The following NHERF2 variants were observed in gnomAD, a reference collection of about 807,000 sequenced individuals.
NHERF2 encodes the protein Na(+)/H(+) exchange regulatory cofactor NHE-RF2.
the NHERF2 span, chr16:2,036,884 G>T: frequency 1.9e-4 from 304 of 1,606,670 alleles, 1 homozygote; most frequent in Middle Eastern, 9.9e-4. Context: ...CGTGGAAGGT[G>T]GGCCACGGCC....
chr16:2,038,286 G>A, the NHERF2 span: 29 of 538,000 alleles, frequency 5.4e-5, no homozygotes, highest in East Asian at 6.8e-4. Context: ...CGGCAGCCGC[G>A]GGGCGAGGGC....
At chr16:2,028,081 C>T in the NHERF2 span, among the ~76,000 whole-genome samples, 1 of 152,182 alleles carries the variant, frequency 6.6e-6, no homozygotes, top group Non-Finnish European at 1.5e-5. Flanking sequence ...CCCTCCAGAC[C>T]CTGGTTGGGG....
the NHERF2 span, among the ~76,000 whole-genome samples, chr16:2,033,803 G>A: frequency 1.3e-5 from 2 of 152,144 alleles, no homozygotes; most frequent in African/African-American, 2.4e-5. Context: ...CGAGCTCCTC[G>A]GCTCTCTGGG....
chr16:2,037,776 T>C, the NHERF2 span: 1 of 1,552,534 alleles, frequency 6.4e-7, no homozygotes, highest in Non-Finnish European at 8.7e-7. Flanking sequence ...CCGTCTGGGG[T>C]GTGGGACTAG....
chr16:2,036,519 G>A, the NHERF2 span: 6 of 1,569,844 alleles, frequency 3.8e-6, no homozygotes, highest in African/African-American at 1.4e-5. Flanking sequence ...GGCCCACCAG[G>A]GCTGCGGGGT....
chr16:2,036,041 G>A, the NHERF2 span: 4 of 452,070 alleles, frequency 8.8e-6, no homozygotes, highest in East Asian at 1.5e-4. Flanking sequence ...CACCCTGCCT[G>A]TGCGCCACGC....
the NHERF2 span, chr16:2,027,337 G>A: frequency 7.7e-6 from 4 of 519,376 alleles, no homozygotes; most frequent in Non-Finnish European, 1.2e-5. Context: ...GGACGTTGTC[G>A]GGAGGCAGCG....
At chr16:2,035,611 AC>A in the NHERF2 span, 5 of 985,800 alleles carry the variant, frequency 5.1e-6, no homozygotes, top group Non-Finnish European at 4.8e-6. Context: ...ACCCTGGCCC[AC>A]CCCCTGGCTG....
the NHERF2 span, chr16:2,038,516 G>A: frequency 2.7e-6 from 1 of 369,576 alleles, no homozygotes; most frequent in Non-Finnish European, 5.1e-6. Context: ...CTCAGCAGCG[G>A]CCGTCCTGAG....
the NHERF2 span, among the ~76,000 whole-genome samples, chr16:2,027,732 G>T: frequency 1.3e-5 from 2 of 152,214 alleles, no homozygotes; most frequent in Non-Finnish European, 2.9e-5. Flanking sequence ...AGGTCTGCAC[G>T]TGTGCCTGTG....
chr16:2,034,753 C>T, the NHERF2 span, among the ~76,000 whole-genome samples: 43 of 142,322 alleles, frequency 3.0e-4, no homozygotes, highest in Non-Finnish European at 4.9e-4. Context: ...GCCTTCCCTC[C>T]GTCCCAGGCC....
chr16:2,036,743 G>A, the NHERF2 span: 1 of 1,612,810 alleles, frequency 6.2e-7, no homozygotes, highest in Non-Finnish European at 8.5e-7. Context: ...CGGGCAGAAT[G>A]TGGAGGGACT....
At chr16:2,030,552 A>G in the NHERF2 span, among the ~76,000 whole-genome samples, 1 of 151,276 alleles carries the variant, frequency 6.6e-6, no homozygotes, top group African/African-American at 2.4e-5. Flanking sequence ...CAGGAGGAAC[A>G]GCCTGAAGCT....
the NHERF2 span, chr16:2,036,261 G>A: frequency 2.0e-6 from 3 of 1,495,148 alleles, no homozygotes; most frequent in South Asian, 2.6e-5. Context: ...GGCACCACCG[G>A]GGAGTGGCCT....
chr16:2,032,779 CAG>C, the NHERF2 span: 33 of 992,440 alleles, frequency 3.3e-5, no homozygotes, highest in African/African-American at 1.9e-4. This position sits in a 1 kb window ranked among gnomAD's most constrained non-coding sequence, Gnocchi z 4.0. Context: ...GTAGTGACGA[CAG>C]GGGACAGCCC....
At chr16:2,037,492 G>T in the NHERF2 span, 3 of 1,518,664 alleles carry the variant, frequency 2.0e-6, no homozygotes, top group African/African-American at 4.1e-5. Context: ...GCGTGTGCAG[G>T]TGTTGTGTGT....
At chr16:2,027,306 G>C in the NHERF2 span, 4 of 741,868 alleles carry the variant, frequency 5.4e-6, no homozygotes, top group Non-Finnish European at 7.4e-6. Context: ...GGGCCCGAGG[G>C]GGCTCCCGCG....
chr16:2,034,409 C>T, the NHERF2 span, among the ~76,000 whole-genome samples: 316 of 12,124 alleles, frequency 0.026, 7 homozygotes, highest in East Asian at 0.034. Flanking sequence ...AGCCTGGGGG[C>T]CGTGCTCCAC....
chr16:2,037,456 G>A, the NHERF2 span: 4 of 1,254,850 alleles, frequency 3.2e-6, no homozygotes, highest in Non-Finnish European at 3.4e-6. Context: ...CACACTGGGG[G>A]GGGGTGTGCC....
Sources: gnomAD v4.1 joint callset for allele counts (sites outside exome capture counted in the v4.1 genomes callset) on GRCh38, gnomAD v4.1.1 for gene constraint, Gnocchi (gnomAD v3.1) non-coding constraint, MANE v1.5 for transcripts, NCBI Gene and HGNC (gene_info 2026-07-23, HGNC 2026-07-21) for gene names.